KCNH1: variants seen among roughly 807,000 people sequenced by gnomAD.
KCNH1 encodes the protein potassium voltage-gated channel subfamily H member 1.
A neutral mutation model predicts 69.2 loss-of-function variants in KCNH1; 27 were observed. That is an observed-to-expected ratio of 0.39 (90% CI 0.29 to 0.54). The LOEUF (loss-of-function observed/expected upper bound fraction) is 0.54, where lower values mean the gene tolerates loss of function less well. Among genes scored for constraint, KCNH1 ranks in the 20% least tolerant of loss-of-function variants. The probability of loss-of-function intolerance (pLI) is 0.68; values close to 1 mark genes in which losing one functional copy is unlikely to be tolerated. For synonymous variants in KCNH1, 456 were observed against 487.7 expected, an observed-to-expected ratio of 0.93 and a Z score of 0.86; for missense variants, 798 against 1,261.6, an observed-to-expected ratio of 0.63 and a Z score of 5.57.
At chr1:210,694,056 C>A (rs1164484866) in intron 10 of KCNH1, among the ~76,000 whole-genome samples, 1 of 152,186 alleles carries the variant, frequency 6.6e-6, no homozygotes, top group Non-Finnish European at 1.5e-5. Flanking sequence ...GATCTTTGAA[C>A]CTCTCCCTAC....
intron 10 of KCNH1, among the ~76,000 whole-genome samples, chr1:210,698,464 A>T (rs1389268093): frequency 6.6e-6 from 1 of 152,218 alleles, no homozygotes; most frequent in South Asian, 2.1e-4. Context: ...GAAGAAGAGA[A>T]GGTAAAAGAG....
chr1:211,071,135 T>A (rs74156886), intron 5 of KCNH1, among the ~76,000 whole-genome samples: 2,552 of 152,310 alleles, frequency 0.017, 72 homozygotes, highest in African/African-American at 0.056. Context: ...TTCACAGTAA[T>A]GTACTGTATT....
intron 10 of KCNH1, among the ~76,000 whole-genome samples, chr1:210,741,051 A>G (rs1430114250): frequency 6.6e-6 from 1 of 152,162 alleles, no homozygotes; most frequent in Non-Finnish European, 1.5e-5. Context: ...AGGACTAAAT[A>G]TCTTCCACCT....
intron 7 of KCNH1, among the ~76,000 whole-genome samples, chr1:210,837,800 C>G (rs916914095): frequency 6.6e-6 from 1 of 152,160 alleles, no homozygotes; most frequent in Non-Finnish European, 1.5e-5. Context: ...CAGTACCTAT[C>G]TGATAGAGTT....
chr1:210,753,170 T>A (rs1217328759), intron 10 of KCNH1, among the ~76,000 whole-genome samples: 1 of 152,170 alleles, frequency 6.6e-6, no homozygotes, highest in African/African-American at 2.4e-5. Context: ...TTTATGATAA[T>A]CTGCTACACC....
At chr1:211,009,562 A>G (rs931479965) in intron 6 of KCNH1, among the ~76,000 whole-genome samples, 2 of 151,928 alleles carry the variant, frequency 1.3e-5, no homozygotes, top group South Asian at 2.1e-4. Context: ...GCAGGCCACA[A>G]AGTGGATTTA....
At chr1:210,988,357 C>T (rs1039138227) in intron 6 of KCNH1, among the ~76,000 whole-genome samples, 2 of 152,198 alleles carry the variant, frequency 1.3e-5, no homozygotes, top group Non-Finnish European at 2.9e-5. Flanking sequence ...GCAGAAATCA[C>T]GGGTCTTCTG....
At chr1:210,972,958 T>C (rs1688539306) in intron 6 of KCNH1, among the ~76,000 whole-genome samples, 1 of 151,886 alleles carries the variant, frequency 6.6e-6, no homozygotes, top group South Asian at 2.1e-4. Context: ...ACTGGCTGTT[T>C]GCCTCCCATC....
intron 1 of KCNH1, among the ~76,000 whole-genome samples, chr1:211,115,794 A>G (rs1691567123): frequency 6.6e-6 from 1 of 150,456 alleles, no homozygotes; most frequent in Non-Finnish European, 1.5e-5. Flanking sequence ...TGACTAATAC[A>G]CTACCCAAAG....
At chr1:211,108,325 C>T (rs1691395351) in intron 1 of KCNH1, 1 of 152,070 alleles carries the variant, frequency 6.6e-6, no homozygotes, top group Admixed American at 6.5e-5. Flanking sequence ...CTTCCCCCAC[C>T]CTCCAAAAAC....
chr1:210,865,211 G>A, intron 7 of KCNH1, among the ~76,000 whole-genome samples: 1 of 152,216 alleles, frequency 6.6e-6, no homozygotes, highest in East Asian at 1.9e-4. Context: ...TGCCCCCATA[G>A]TCTCCCAATG....
intron 6 of KCNH1, among the ~76,000 whole-genome samples, chr1:211,011,385 A>C (rs1026114314): frequency 1.1e-4 from 16 of 152,146 alleles, no homozygotes; most frequent in Middle Eastern, 3.4e-3. Flanking sequence ...CATTGATGGG[A>C]ATTTGGGTTG....
intron 7 of KCNH1, among the ~76,000 whole-genome samples, chr1:210,817,945 C>T (rs1383915237): frequency 1.3e-5 from 2 of 152,128 alleles, no homozygotes; most frequent in East Asian, 1.9e-4. Context: ...CCTCTATCTA[C>T]TAGATGCTAG....
chr1:210,830,789 C>G (rs1010048361), intron 7 of KCNH1, among the ~76,000 whole-genome samples: 4 of 152,120 alleles, frequency 2.6e-5, no homozygotes, highest in African/African-American at 9.7e-5. Flanking sequence ...GGACACAATC[C>G]TAACGCATTT....
intron 5 of KCNH1, among the ~76,000 whole-genome samples, chr1:211,072,562 T>C (rs979686621): frequency 6.6e-6 from 1 of 152,232 alleles, no homozygotes; most frequent in Non-Finnish European, 1.5e-5. Context: ...TGTGTTTATG[T>C]ATATGTGAAA....
intron 7 of KCNH1, chr1:210,860,638 TGAA>T: frequency 2.5e-6 from 2 of 790,272 alleles, no homozygotes; most frequent in Non-Finnish European, 4.6e-6. Flanking sequence ...TGTTATAATA[TGAA>T]GAAGAGCCTG....
At chr1:210,707,572 G>A (rs145875357) in intron 10 of KCNH1, among the ~76,000 whole-genome samples, 1 of 152,278 alleles carries the variant, frequency 6.6e-6, no homozygotes. Flanking sequence ...CAGAGCTTAG[G>A]TGTAAGTAAG....
intron 7 of KCNH1, among the ~76,000 whole-genome samples, chr1:210,819,502 C>T (rs1324181728): frequency 6.6e-6 from 1 of 151,944 alleles, no homozygotes; most frequent in Admixed American, 6.6e-5. Context: ...AGCTTCCTGC[C>T]CTGAATTACT....
At chr1:211,118,583 C>T (rs1211820790) in intron 1 of KCNH1, among the ~76,000 whole-genome samples, 1 of 152,172 alleles carries the variant, frequency 6.6e-6, no homozygotes, top group Non-Finnish European at 1.5e-5. Context: ...ACATAGTTTT[C>T]CTCTGGTTCA....
Sources: gnomAD v4.1 joint callset for allele counts (sites outside exome capture counted in the v4.1 genomes callset) on GRCh38, gnomAD v4.1.1 for gene constraint, MANE v1.5 for transcripts, NCBI Gene and HGNC (gene_info 2026-07-23, HGNC 2026-07-21) for gene names.